F13A1: variants seen among roughly 807,000 people sequenced by gnomAD.
The protein encoded by F13A1 is FSF, A subunit.
F13A1 carries 47 observed loss-of-function variants against 80.1 expected under a neutral mutation model. The ratio of observed to expected loss-of-function variants is 0.59; its 90% CI spans 0.46 to 0.75. The LOEUF (loss-of-function observed/expected upper bound fraction) is 0.75, where lower values mean the gene tolerates loss of function less well. Ranked by LOEUF, F13A1 falls within the 30% of genes least tolerant of loss-of-function variation. The pLI is 0.00. For synonymous variants in F13A1, 349 were observed against 344.9 expected (o/e 1.01, Z -0.13); for missense variants, 817 against 930.4 (o/e 0.88, Z 1.59).
chr6:6,249,539 G>A (rs1336048386), intron 5 of F13A1, among the ~76,000 whole-genome samples: 1 of 152,206 alleles, frequency 6.6e-6, no homozygotes, highest in Non-Finnish European at 1.5e-5. Flanking sequence ...ATACAATCAA[G>A]TGACTGTGCT....
chr6:6,314,003 C>T (rs182183930), intron 2 of F13A1, among the ~76,000 whole-genome samples: 11 of 20,250 alleles, frequency 5.4e-4, no homozygotes, highest in Admixed American at 3.7e-3. Context: ...TTTTTTGAAA[C>T]GGAGTCTTGG....
chr6:6,174,877 A>G lies in F13A1; in HGVS notation c.1460-10T>C. The G allele has an allele frequency of 1.9e-6, 3 of 1,614,114 alleles. No homozygotes were observed. Among genetic ancestry groups the G allele is most frequent in the South Asian group, 2.2e-5 (2 of 91,058 alleles). The stretch of plus-strand genomic sequence containing the variant: ...CTCTCTTCTTCTTGACCTGGGGGAG[A>G]TCCAGAGATAATGACAGGCAAAAAT... On this transcript the variant is annotated splice_polypyrimidine_tract_variant and intron_variant, in intron 11 of 14. Coordinates refer to ENST00000264870, the MANE Select transcript of F13A1 (RefSeq NM_000129.4).
At chr6:6,235,563 G>A (rs188826381) in intron 6 of F13A1, among the ~76,000 whole-genome samples, 4 of 152,022 alleles carry the variant, frequency 2.6e-5, no homozygotes, top group African/African-American at 7.2e-5. Flanking sequence ...TTAAGGAAAT[G>A]CAAATCAAAA....
chr6:6,166,522 T>C (rs1196464396), intron 13 of F13A1, among the ~76,000 whole-genome samples: 1 of 152,216 alleles, frequency 6.6e-6, no homozygotes, highest in Non-Finnish European at 1.5e-5. Flanking sequence ...TTCAAGAAGA[T>C]TGTTCTCCAG....
rs1761309521 is a variant in F13A1 at position 6,197,320 on chromosome 6, G to A, written c.1119C>T (p.Tyr373=). Residue 373 remains tyrosine (Y), a synonymous_variant, in exon 9 of 15, where the codon TAC becomes TAT. Coordinates refer to ENST00000264870, the MANE Select transcript of F13A1 (RefSeq NM_000129.4). ...TCATCCATGCTTCATTCCAGCAGTG[G>A]TAGTTCCTTAGAAAACACAAGCCCA... is the stretch of plus-strand genomic sequence containing the variant. ...SKLTKDSVWN[Y]HCWNEAWMTR... 1 of 1,613,918 alleles carries A rather than the reference G, an allele frequency of 6.2e-7. No individual in the cohort carries two copies. The highest frequency in any genetic ancestry group is 1.3e-5 in the African/African-American group (1 of 74,924).
At chr6:6,147,303 TAAAAA>T (rs567837553) in intron 14 of F13A1, among the ~76,000 whole-genome samples, 5 of 151,970 alleles carry the variant, frequency 3.3e-5, no homozygotes, top group African/African-American at 4.8e-5. Context: ...CCTATAGAAA[TAAAAA>T]AAGAAAAGAA....
intron 8 of F13A1, among the ~76,000 whole-genome samples, chr6:6,213,322 G>A (rs1357984137): frequency 6.6e-6 from 1 of 152,110 alleles, no homozygotes; most frequent in Non-Finnish European, 1.5e-5. Context: ...CAGACTAACA[G>A]CGGATCTCTC....
At chr6:6,199,091 C>A (rs944050893) in intron 8 of F13A1, among the ~76,000 whole-genome samples, 15 of 152,162 alleles carry the variant, frequency 9.9e-5, no homozygotes, top group Admixed American at 2.0e-4. Flanking sequence ...TGATGGCAGG[C>A]AATGCACGAA....
chr6:6,147,051 G>A (rs1760295530), intron 14 of F13A1, among the ~76,000 whole-genome samples: 1 of 152,178 alleles, frequency 6.6e-6, no homozygotes, highest in Admixed American at 6.5e-5. Context: ...AAGTAACTCA[G>A]GAATGGAAAA....
chr6:6,176,434 T>G (rs1057489144), intron 11 of F13A1, among the ~76,000 whole-genome samples: 7 of 152,206 alleles, frequency 4.6e-5, no homozygotes, highest in Admixed American at 2.6e-4. Context: ...GGTGTCTACA[T>G]CCTAGGTTTA....
chr6:6,145,667 A>G lies in F13A1; in HGVS notation c.2151T>C (p.His717=), dbSNP rs145319551. The change falls in exon 15 of 15, where the codon CAT becomes CAC. Residue 717 remains histidine, a synonymous_variant. Coordinates refer to ENST00000264870, the MANE Select transcript of F13A1 (RefSeq NM_000129.4). ...IASMSSDSLR[H]VYGELDVQIQ... is the part of the protein sequence containing the mutation. ...TCTGCACGTCCAGCTCGCCATACAC[A>G]TGTCTCAGGGAGTCACTGCTCATGC... 1.9e-6 allele frequency: 3 copies of G among 1,613,996 alleles called. No individual in the cohort carries two copies. In the African/African-American group the frequency reaches 4.0e-5, roughly 22 times the overall value.
At chr6:6,301,534 G>C (rs1412518942) in intron 3 of F13A1, among the ~76,000 whole-genome samples, 1 of 152,164 alleles carries the variant, frequency 6.6e-6, no homozygotes, top group Non-Finnish European at 1.5e-5. Flanking sequence ...GGTTCTGAAA[G>C]GTTTAGAATA....
intron 3 of F13A1, among the ~76,000 whole-genome samples, chr6:6,300,622 A>T (rs1419702426): frequency 6.6e-6 from 1 of 152,078 alleles, no homozygotes; most frequent in East Asian, 1.9e-4. Flanking sequence ...GCACGCACCC[A>T]CTGACTTGTG....
At chr6:6,166,326 T>G (rs963900528) in intron 13 of F13A1, among the ~76,000 whole-genome samples, 12 of 152,244 alleles carry the variant, frequency 7.9e-5, no homozygotes, top group Non-Finnish European at 1.8e-4. Flanking sequence ...TTCTGAATGC[T>G]GCACAGCAGT....
intron 8 of F13A1, among the ~76,000 whole-genome samples, chr6:6,219,569 A>G (rs984464485): frequency 2.0e-5 from 3 of 152,204 alleles, no homozygotes; most frequent in African/African-American, 7.2e-5. Flanking sequence ...GCCACACAGC[A>G]AGTAGCTGCC....
chr6:6,155,680 G>A (rs4960168), intron 13 of F13A1, among the ~76,000 whole-genome samples: 30,707 of 151,944 alleles, frequency 0.2, 3,241 homozygotes, highest in Middle Eastern at 0.28. Context: ...AATGTAACTG[G>A]AGGTGTCTCC....
intron 11 of F13A1, among the ~76,000 whole-genome samples, chr6:6,181,561 T>C (rs898268075): frequency 7.9e-5 from 12 of 152,224 alleles, no homozygotes; most frequent in South Asian, 4.1e-4. Flanking sequence ...TCCATGATAA[T>C]GTAATAGAAC....
intron 8 of F13A1, among the ~76,000 whole-genome samples, chr6:6,217,706 A>C (rs1023788715): frequency 5.3e-5 from 8 of 152,074 alleles, no homozygotes; most frequent in Non-Finnish European, 8.8e-5. Flanking sequence ...ATAAAAATAA[A>C]ATAATGTATA....
chr6:6,162,094 G>C lies in F13A1; in HGVS notation c.1908+5364C>G, dbSNP rs1760585183. ...GGAAGAAAAAGCGGCTCCGACTTGTGGGAGAGCAGAGTTGACAATCATGTT... is the reference window on the plus strand; with the variant it reads ...GGAAGAAAAAGCGGCTCCGACTTGTCGGAGAGCAGAGTTGACAATCATGTT... On this transcript the variant is annotated intron_variant, in intron 13 of 14. Transcript: ENST00000264870. The surrounding 1 kb of genome is among the most constrained non-coding windows in gnomAD (Gnocchi z 4.2). Among the ~76,000 whole-genome samples, 1 of 152,152 alleles carries C rather than the reference G, an allele frequency of 6.6e-6. No individual in the cohort carries two copies. Among genetic ancestry groups the C allele is most frequent in the Non-Finnish European group, 1.5e-5 (1 of 68,028 alleles).
Sources: allele counts gnomAD v4.1 joint callset (sites outside exome capture counted in the v4.1 genomes callset), GRCh38; gene constraint gnomAD v4.1.1; non-coding constraint Gnocchi (gnomAD v3.1); transcripts MANE v1.5; gene names NCBI Gene and HGNC (gene_info 2026-07-23, HGNC 2026-07-21).